MBP: variants seen among roughly 807,000 people sequenced by gnomAD.
MBP encodes the protein myelin basic protein.
MBP carries 16 observed loss-of-function variants against 35.8 expected under a neutral mutation model. That is an observed-to-expected ratio of 0.45 (90% CI 0.30 to 0.68). The LOEUF (loss-of-function observed/expected upper bound fraction) is 0.68, where lower values mean the gene tolerates loss of function less well. Ranked by LOEUF, MBP falls within the 30% of genes least tolerant of loss-of-function variation. MBP has a pLI of 0.08. For synonymous variants in MBP, 143 were observed against 159.6 expected (o/e 0.90, Z 0.78); for missense variants, 380 against 404.7 (o/e 0.94, Z 0.52).
At chr18:77,035,985 C>T (rs1454716514) in intron 3 of MBP, among the ~76,000 whole-genome samples, 1 of 152,212 alleles carries the variant, frequency 6.6e-6, no homozygotes, top group Non-Finnish European at 1.5e-5. Context: ...TAAATAGAAC[C>T]GTCAGTTCTT....
chr18:77,045,282 C>T (rs1489531449), intron 3 of MBP, among the ~76,000 whole-genome samples: 1 of 149,332 alleles, frequency 6.7e-6, no homozygotes, highest in East Asian at 2.0e-4. Flanking sequence ...ACCAACTGAC[C>T]TGCTGCCGGC....
At position 76,989,050 on chromosome 18, in the gene MBP, T is replaced by C. The variant is rs749450791; in HGVS notation, c.682-138A>G. ...CCCGGGTGCCCAGCCTCCCCACTTC[T>C]GTCCTAGTTGGTGAAGAAGTATAGA... On this transcript the variant is annotated intron_variant, in intron 5 of 8. Transcript: ENST00000355994. This position sits in a 1 kb window ranked among gnomAD's most constrained non-coding sequence, Gnocchi z 4.0. The C allele has an allele frequency of 5.1e-6, 4 of 790,642 alleles. No individual in the cohort carries two copies. In the African/African-American group the frequency reaches 6.7e-5, roughly 13 times the overall value. 49.0% of individuals were successfully genotyped at this position (790,642 alleles called of 1,614,324 possible).
At chr18:77,048,612 C>T (rs986395971) in intron 3 of MBP, among the ~76,000 whole-genome samples, 47 of 152,010 alleles carry the variant, frequency 3.1e-4, no homozygotes, top group African/African-American at 7.0e-4. Flanking sequence ...TACAGGTGCC[C>T]GCCACCACGG....
At chr18:77,085,496 T>C (rs1021674725) in intron 2 of MBP, among the ~76,000 whole-genome samples, 1 of 152,112 alleles carries the variant, frequency 6.6e-6, no homozygotes, top group Non-Finnish European at 1.5e-5. Context: ...ATGGCCCTTT[T>C]AGGGCTCATG....
At chr18:77,071,373 T>C in intron 2 of MBP, among the ~76,000 whole-genome samples, 1 of 151,844 alleles carries the variant, frequency 6.6e-6, no homozygotes, top group South Asian at 2.1e-4. Context: ...ATGCTGCATT[T>C]CCCTTAAAAA....
At chr18:77,089,102 G>A (rs890894120) in intron 2 of MBP, among the ~76,000 whole-genome samples, 1 of 152,218 alleles carries the variant, frequency 6.6e-6, no homozygotes, top group Non-Finnish European at 1.5e-5. Context: ...CGGGACACAG[G>A]GCACCTGCCT....
chr18:77,016,447 C>A, intron 4 of MBP: 1 of 1,058,292 alleles, frequency 9.4e-7, no homozygotes, highest in Non-Finnish European at 1.1e-6. Flanking sequence ...CAGTGTTGAA[C>A]CCCAGCGTGT....
At chr18:77,022,911 G>A (rs1972050813) in intron 3 of MBP, among the ~76,000 whole-genome samples, 1 of 152,216 alleles carries the variant, frequency 6.6e-6, no homozygotes, top group African/African-American at 2.4e-5. Flanking sequence ...TCAGTCAAAC[G>A]AAATCCCAAT....
chr18:77,026,259 G>A (rs770292800), intron 3 of MBP, among the ~76,000 whole-genome samples: 17 of 152,264 alleles, frequency 1.1e-4, no homozygotes, highest in Non-Finnish European at 2.2e-4. Flanking sequence ...GGCAGAGCGC[G>A]GGCGTTCTGA....
intron 3 of MBP, among the ~76,000 whole-genome samples, chr18:77,047,934 C>G (rs1973321684): frequency 6.6e-6 from 1 of 152,162 alleles, no homozygotes; most frequent in African/African-American, 2.4e-5. Flanking sequence ...TGCAGAAATA[C>G]AATGATATCA....
chr18:77,040,491 G>T (rs1313965131), intron 3 of MBP, among the ~76,000 whole-genome samples: 2 of 152,174 alleles, frequency 1.3e-5, no homozygotes, highest in Non-Finnish European at 2.9e-5. Flanking sequence ...TAGGCCAAAA[G>T]AACAAAGCTG....
intron 4 of MBP, among the ~76,000 whole-genome samples, chr18:77,007,929 T>G (rs1971093705): frequency 1.3e-5 from 2 of 152,144 alleles, no homozygotes; most frequent in African/African-American, 4.8e-5. Context: ...GCTAAATAAT[T>G]TTTTTTAGAA....
chr18:77,077,987 A>AC (rs538543429), intron 2 of MBP, among the ~76,000 whole-genome samples: 164 of 151,634 alleles, frequency 1.1e-3, no homozygotes, highest in African/African-American at 3.6e-3. Context: ...CGAGAGCTGC[A>AC]CCCCCCTGCC....
chr18:77,077,091 T>C (rs1356453729), intron 2 of MBP, among the ~76,000 whole-genome samples: 1 of 152,104 alleles, frequency 6.6e-6, no homozygotes, highest in Non-Finnish European at 1.5e-5. Flanking sequence ...CCAGGTGTGG[T>C]GGCTCATACC....
At chr18:77,010,064 T>C in intron 4 of MBP, 1 of 640,462 alleles carries the variant, frequency 1.6e-6, no homozygotes, top group East Asian at 2.8e-5. Flanking sequence ...GGGTGGAGGA[T>C]GAAGGACGAC....
chr18:77,045,370 C>T (rs1471674137), intron 3 of MBP, among the ~76,000 whole-genome samples: 2 of 151,870 alleles, frequency 1.3e-5, no homozygotes, highest in East Asian at 3.9e-4. Flanking sequence ...CCGAATTGAC[C>T]CGCTGCAGCA....
intron 2 of MBP, chr18:77,087,427 T>G (rs1038934648): frequency 1.3e-5 from 2 of 151,578 alleles, no homozygotes; most frequent in Non-Finnish European, 2.9e-5. Flanking sequence ...CGGCAGGTGG[T>G]GCAGCAGCCC....
chr18:77,038,890 A>G (rs985237339), intron 3 of MBP, among the ~76,000 whole-genome samples: 58 of 152,226 alleles, frequency 3.8e-4, no homozygotes, highest in South Asian at 2.1e-4. Flanking sequence ...GAACAACACG[A>G]TATCACTGGT....
rs1275373043 is a variant in MBP at position 77,118,683 on chromosome 18, CCACA to C, written c.-25-13401_-25-13398del. On this transcript the variant is annotated intron_variant, in intron 1 of 8. Transcript: ENST00000355994. ...ACACACTACATACCACACACACACA[CCACA>C]CACACACTCCACACACCCCCCACAC... 3.4e-5 allele frequency among the ~76,000 whole-genome samples: 5 copies of C among 145,272 alleles called. No homozygotes were observed. In the East Asian group the frequency reaches 1.0e-3, roughly 30 times the overall value.
Sources: allele counts gnomAD v4.1 joint callset (sites outside exome capture counted in the v4.1 genomes callset), GRCh38; gene constraint gnomAD v4.1.1; non-coding constraint Gnocchi (gnomAD v3.1); transcripts MANE v1.5; gene names NCBI Gene and HGNC (gene_info 2026-07-23, HGNC 2026-07-21).